Variants in GRM5 observed in about 807,000 individuals in gnomAD.
GRM5 encodes the protein glutamate metabotropic receptor 5, also known as metabotropic glutamate receptor 5.
A neutral mutation model predicts 83.1 loss-of-function variants in GRM5; 19 were observed. That is an observed-to-expected ratio of 0.23 (90% CI 0.16 to 0.34). The LOEUF (loss-of-function observed/expected upper bound fraction) is 0.34, where lower values mean the gene tolerates loss of function less well. Ranked by LOEUF, GRM5 falls within the 10% of genes least tolerant of loss-of-function variation. The probability of loss-of-function intolerance (pLI) is 1.00; values close to 1 mark genes in which losing one functional copy is unlikely to be tolerated. For missense variants in GRM5, 1,160 were observed against 1,588.3 expected, an observed-to-expected ratio of 0.73 and a Z score of 4.58; for synonymous variants, 675 against 633.6, an observed-to-expected ratio of 1.07 and a Z score of -0.98.
chr11:88,968,794 G>C (rs547397688), intron 2 of GRM5, among the ~76,000 whole-genome samples: 1 of 151,964 alleles, frequency 6.6e-6, no homozygotes, highest in Non-Finnish European at 1.5e-5. Context: ...CCACTGAATT[G>C]TATACTTAAA....
At position 88,604,888 on chromosome 11, in the gene GRM5, G is replaced by A. The variant is rs200042953; in HGVS notation, c.1224C>T (p.Ala408=). The part of the protein sequence containing the change: ...GFVINAIYSM[A]YGLHNMQMSL... ...ACATCTGCATGTTGTGGAGCCCATAGGCCATCGAATAGATGGCGTTGATCA... is the reference window on the plus strand; with the variant it reads ...ACATCTGCATGTTGTGGAGCCCATAAGCCATCGAATAGATGGCGTTGATCA... The change falls in exon 5 of 10, where the codon GCC becomes GCT. Residue 408 remains alanine (A), a synonymous_variant. Coordinates refer to ENST00000305447, the MANE Select transcript of GRM5 (RefSeq NM_001143831.3). 7.4e-6 allele frequency: 12 copies of A among 1,610,818 alleles called. No individual in the cohort carries two copies. The highest frequency in any genetic ancestry group is 1.0e-5 in the Non-Finnish European group (12 of 1,176,998).
intron 2 of GRM5, among the ~76,000 whole-genome samples, chr11:88,977,180 T>C (rs1175340627): frequency 6.7e-6 from 1 of 150,194 alleles, no homozygotes; most frequent in Non-Finnish European, 1.5e-5. Flanking sequence ...AAAATATTTT[T>C]GTTTCTATTT....
chr11:88,927,915 C>A (rs1044080625), intron 2 of GRM5, among the ~76,000 whole-genome samples: 1 of 152,032 alleles, frequency 6.6e-6, no homozygotes, highest in Non-Finnish European at 1.5e-5. Flanking sequence ...GGGAAAGGTA[C>A]ACTTTAAAAA....
intron 3 of GRM5, among the ~76,000 whole-genome samples, chr11:88,811,163 G>A (rs1448137510): frequency 6.6e-6 from 1 of 151,984 alleles, no homozygotes; most frequent in East Asian, 1.9e-4. Flanking sequence ...TCACTTAGAA[G>A]GACAACAATT....
chr11:89,054,115 G>C (rs140435721), intron 1 of GRM5, among the ~76,000 whole-genome samples: 1 of 152,138 alleles, frequency 6.6e-6, no homozygotes, highest in Admixed American at 6.6e-5. Flanking sequence ...ATAAGGGCAC[G>C]AAGGCAGAAA....
At chr11:88,589,702 C>T (rs895642545) in intron 7 of GRM5, among the ~76,000 whole-genome samples, 1 of 152,172 alleles carries the variant, frequency 6.6e-6, no homozygotes. Flanking sequence ...AGGCTTTTTT[C>T]CTCTTTTTCT....
At chr11:88,563,387 T>C (rs4619147) in intron 8 of GRM5, among the ~76,000 whole-genome samples, 8,185 of 152,246 alleles carry the variant, frequency 0.054, 694 homozygotes, top group African/African-American at 0.18. Context: ...ATAGTTACCA[T>C]AATCTTAGAT....
intron 3 of GRM5, among the ~76,000 whole-genome samples, chr11:88,743,586 G>A (rs1483635088): frequency 6.6e-6 from 1 of 152,052 alleles, no homozygotes; most frequent in African/African-American, 2.4e-5. Flanking sequence ...TTCTTCTGTG[G>A]ACTCTCACAG....
chr11:88,600,549 C>T (rs1174228731), intron 5 of GRM5, among the ~76,000 whole-genome samples: 7 of 151,564 alleles, frequency 4.6e-5, no homozygotes. Context: ...TTATATATTG[C>T]TCAAAATCAA....
chr11:88,586,065 G>T (rs1943307461), intron 7 of GRM5, among the ~76,000 whole-genome samples: 1 of 151,684 alleles, frequency 6.6e-6, no homozygotes, highest in African/African-American at 2.4e-5. Context: ...TATTGATGAA[G>T]ATACATTCTC....
intron 8 of GRM5, among the ~76,000 whole-genome samples, chr11:88,543,692 A>G (rs1363978384): frequency 8.7e-6 from 1 of 115,376 alleles, no homozygotes; most frequent in Non-Finnish European, 1.8e-5. Flanking sequence ...CCCTTTTTGT[A>G]TACCCACAAA....
chr11:88,967,342 AG>A (rs1445780115), intron 2 of GRM5, among the ~76,000 whole-genome samples: 1 of 151,318 alleles, frequency 6.6e-6, no homozygotes, highest in African/African-American at 2.4e-5. Flanking sequence ...TACCACTTAT[AG>A]GGATAGAGGG....
chr11:88,756,807 A>C (rs561453587), intron 3 of GRM5, among the ~76,000 whole-genome samples: 27 of 152,288 alleles, frequency 1.8e-4, no homozygotes, highest in Admixed American at 6.5e-4. Context: ...GACAATATCA[A>C]GTAGGATAAC....
Position 88,653,295 on chromosome 11 carries a change from A to G in GRM5, c.1020T>C (p.Tyr340=), listed in dbSNP as rs1026204462. 1 of 1,613,208 alleles carries G rather than the reference A, an allele frequency of 6.2e-7. No homozygotes were observed. Among genetic ancestry groups the G allele is most frequent in the Admixed American group, 1.7e-5 (1 of 59,900 alleles). The part of the protein sequence containing the change: ...QSPDVKWFDD[Y]YLKLRPETNH... ...TTGTTTCTGGCCGGAGCTTCAGATA[A>G]TAATCATCAAACCACTTGACATCGG... is the stretch of plus-strand genomic sequence containing the variant. The change falls in exon 4 of 10, where the codon TAT becomes TAC. Residue 340 remains tyrosine (Y), a synonymous_variant. Transcript: ENST00000305447.
At chr11:89,011,936 G>A (rs1354106147) in intron 2 of GRM5, among the ~76,000 whole-genome samples, 2 of 152,186 alleles carry the variant, frequency 1.3e-5, no homozygotes, top group African/African-American at 2.4e-5. Flanking sequence ...ATTAAGGGAA[G>A]AAATTCTGGA....
chr11:88,684,430 T>G (rs925894608), intron 3 of GRM5, among the ~76,000 whole-genome samples: 8 of 152,160 alleles, frequency 5.3e-5, no homozygotes, highest in Admixed American at 5.2e-4. Context: ...TAGCTTGGAA[T>G]TGAGAAGTGC....
intron 2 of GRM5, among the ~76,000 whole-genome samples, chr11:89,026,548 A>G (rs1941134974): frequency 6.6e-6 from 1 of 152,162 alleles, no homozygotes; most frequent in South Asian, 2.1e-4. Flanking sequence ...TGACTTTGTA[A>G]TATTACTTAT....
At chr11:88,990,156 G>A (rs1186045778) in intron 2 of GRM5, among the ~76,000 whole-genome samples, 27 of 145,518 alleles carry the variant, frequency 1.9e-4, no homozygotes, top group African/African-American at 5.2e-4. Context: ...TCAAATAGAT[G>A]CAATAAAAAA....
At chr11:88,985,110 A>G (rs1185230604) in intron 2 of GRM5, among the ~76,000 whole-genome samples, 1 of 152,014 alleles carries the variant, frequency 6.6e-6, no homozygotes, top group Non-Finnish European at 1.5e-5. Flanking sequence ...CTGCCATTCC[A>G]CTCTCACACC....
Sources: gnomAD v4.1 joint callset for allele counts (sites outside exome capture counted in the v4.1 genomes callset) on GRCh38, gnomAD v4.1.1 for gene constraint, MANE v1.5 for transcripts, NCBI Gene and HGNC (gene_info 2026-07-23, HGNC 2026-07-21) for gene names.